Variants in ANKS1B observed in about 807,000 individuals in gnomAD.
The protein encoded by ANKS1B is ankyrin repeat and sterile alpha motif domain containing 1B.
In ANKS1B, 36 loss-of-function variants were observed where a neutral mutation model predicts 148.3. The observed-to-expected ratio is 0.24, with a 90% CI of 0.19 to 0.32. ANKS1B has a LOEUF of 0.32. ANKS1B is among the 10% of genes least tolerant of loss of function. The probability of loss-of-function intolerance (pLI) is 1.00; values close to 1 mark genes in which losing one functional copy is unlikely to be tolerated. For missense variants in ANKS1B, 1,157 were observed against 1,542.6 expected, an observed-to-expected ratio of 0.75 and a Z score of 4.19; for synonymous variants, 542 against 560.8, an observed-to-expected ratio of 0.97 and a Z score of 0.47.
At chr12:99,619,568 C>T (rs567675171) in intron 9 of ANKS1B, among the ~76,000 whole-genome samples, 4 of 152,132 alleles carry the variant, frequency 2.6e-5, no homozygotes, top group East Asian at 1.9e-4. Context: ...TCTCTACTCA[C>T]GTCCAGGCAG....
intron 25 of ANKS1B, among the ~76,000 whole-genome samples, chr12:98,762,365 T>C (rs1425822140): frequency 6.6e-6 from 1 of 152,130 alleles, no homozygotes; most frequent in Non-Finnish European, 1.5e-5. Context: ...AGATTCAGTT[T>C]AGAGATGCAC....
intron 10 of ANKS1B, among the ~76,000 whole-genome samples, chr12:99,465,852 T>C (rs1165853823): frequency 6.6e-6 from 1 of 152,140 alleles, no homozygotes; most frequent in Non-Finnish European, 1.5e-5. Context: ...TGGGAGACTA[T>C]AACACCCCAC....
At chr12:98,962,994 G>A (rs1198387565) in intron 17 of ANKS1B, among the ~76,000 whole-genome samples, 1 of 151,668 alleles carries the variant, frequency 6.6e-6, no homozygotes, top group Non-Finnish European at 1.5e-5. Context: ...CAAAATAGAA[G>A]AAAAATTTCA....
At chr12:99,211,170 G>C (rs556092530) in intron 14 of ANKS1B, among the ~76,000 whole-genome samples, 56 of 152,292 alleles carry the variant, frequency 3.7e-4, no homozygotes, top group African/African-American at 1.3e-3. Context: ...ATGACCAAAA[G>C]GGGGAAATTG....
intron 12 of ANKS1B, among the ~76,000 whole-genome samples, chr12:99,257,836 C>T (rs2075451729): frequency 6.6e-6 from 1 of 152,144 alleles, no homozygotes; most frequent in Non-Finnish European, 1.5e-5. Flanking sequence ...ACTCAGCCTT[C>T]CAGCCTTCCA....
At chr12:99,492,195 C>T (rs2096562039) in intron 10 of ANKS1B, among the ~76,000 whole-genome samples, 1 of 152,070 alleles carries the variant, frequency 6.6e-6, no homozygotes, top group Admixed American at 6.6e-5. Context: ...TCTAAATAAA[C>T]ACAATCAGAC....
chr12:99,358,194 T>C lies in ANKS1B; in HGVS notation c.1756+41437A>G, dbSNP rs746269023. 1.1e-3 allele frequency among the ~76,000 whole-genome samples: 169 copies of C among 152,234 alleles called. 1 individual carries two copies. The highest frequency in any genetic ancestry group is 3.4e-3 in the Middle Eastern group (1 of 294). On this transcript the variant is annotated intron_variant, in intron 12 of 26. Coordinates refer to ENST00000683438, the MANE Select transcript of ANKS1B (RefSeq NM_001352186.2). ...TCAGCTGATCTTAATTTTTATGTAG[T>C]AAAACATATTGATTATTTTCTTTAT... is the stretch of plus-strand genomic sequence containing the variant.
chr12:99,049,507 T>C (rs1319890), intron 17 of ANKS1B, among the ~76,000 whole-genome samples: 152,184 of 152,334 alleles, frequency 1, 76,017 homozygotes, highest in Middle Eastern at 1. Context: ...CAAATAAAGT[T>C]ACATTTCTCA....
At chr12:99,158,615 T>C (rs1215787143) in intron 14 of ANKS1B, among the ~76,000 whole-genome samples, 1 of 152,050 alleles carries the variant, frequency 6.6e-6, no homozygotes, top group East Asian at 1.9e-4. Flanking sequence ...CCAAAAACAA[T>C]GCCAACAAAA....
intron 12 of ANKS1B, among the ~76,000 whole-genome samples, chr12:99,302,458 G>GT (rs1388179009): frequency 6.6e-6 from 1 of 152,062 alleles, no homozygotes; most frequent in Non-Finnish European, 1.5e-5. Flanking sequence ...GAAAGGAAAT[G>GT]TTTTTTCAGA....
chr12:99,797,448 C>CA (rs1453499032), intron 4 of ANKS1B, among the ~76,000 whole-genome samples: 2 of 151,874 alleles, frequency 1.3e-5, no homozygotes, highest in African/African-American at 4.8e-5. Context: ...TACAAAGAAA[C>CA]AACACTGAAC....
At chr12:99,777,560 G>A (rs1398477532) in intron 6 of ANKS1B, among the ~76,000 whole-genome samples, 1 of 150,464 alleles carries the variant, frequency 6.6e-6, no homozygotes, top group Non-Finnish European at 1.5e-5. Flanking sequence ...ACATGCTTCA[G>A]TTTTGTTTTT....
intron 17 of ANKS1B, among the ~76,000 whole-genome samples, chr12:98,958,153 T>C (rs543847680): frequency 6.6e-6 from 1 of 152,326 alleles, no homozygotes; most frequent in African/African-American, 2.4e-5. Context: ...TCTTTTTCTT[T>C]CTCTCTCTGT....
chr12:99,892,779 T>C (rs1329848579), intron 1 of ANKS1B, among the ~76,000 whole-genome samples: 1 of 152,194 alleles, frequency 6.6e-6, no homozygotes, highest in East Asian at 1.9e-4. Context: ...AGAGGTTCTC[T>C]GCGATGAAGA....
At chr12:99,415,829 G>A (rs981973662) in intron 11 of ANKS1B, among the ~76,000 whole-genome samples, 1 of 151,968 alleles carries the variant, frequency 6.6e-6, no homozygotes, top group East Asian at 1.9e-4. Flanking sequence ...GACTACAGGC[G>A]CCCGCCACCA....
Position 99,632,760 on chromosome 12 carries a change from TATATATA to T in ANKS1B, c.1272+22300_1272+22306del, listed in dbSNP as rs1567522986. ...ATATATATATATATATATATATATATATATATATTTTAATTATACTTTAAGTTCTAGG... is the reference window on the plus strand; with the variant it reads ...ATATATATATATATATATATATATATTTTTAATTATACTTTAAGTTCTAGG... On this transcript the variant is annotated intron_variant, in intron 9 of 26. Coordinates refer to ENST00000683438, the MANE Select transcript of ANKS1B (RefSeq NM_001352186.2). Among the ~76,000 whole-genome samples, 321 of 86,012 alleles carry T rather than the reference TATATATA, an allele frequency of 3.7e-3. 14 individuals carry two copies. The highest frequency in any genetic ancestry group is 0.012 in the African/African-American group (270 of 22,594). The allele number at this position is 86,012 out of a possible 152,430, so 56.4% of individuals were successfully genotyped here. A position where few individuals can be genotyped will look rare whatever the true frequency, so the allele number is the denominator to read the frequency against.
intron 17 of ANKS1B, among the ~76,000 whole-genome samples, chr12:99,038,420 A>C (rs2099956841): frequency 1.3e-5 from 2 of 152,118 alleles, no homozygotes; most frequent in Non-Finnish European, 2.9e-5. Flanking sequence ...CTTCTTCACC[A>C]CACCACTTTA....
At chr12:99,210,349 A>C (rs981689303) in intron 14 of ANKS1B, among the ~76,000 whole-genome samples, 2 of 152,150 alleles carry the variant, frequency 1.3e-5, no homozygotes, top group Admixed American at 6.5e-5. Flanking sequence ...TGAAACTCTT[A>C]GCCCTCTTAA....
At chr12:99,444,383 C>T (rs1447647089) in intron 10 of ANKS1B, among the ~76,000 whole-genome samples, 1 of 151,776 alleles carries the variant, frequency 6.6e-6, no homozygotes, top group East Asian at 1.9e-4. Context: ...AATTATCACT[C>T]CTAGATAAGT....
Sources: allele counts gnomAD v4.1 joint callset (sites outside exome capture counted in the v4.1 genomes callset), GRCh38; gene constraint gnomAD v4.1.1; transcripts MANE v1.5; gene names NCBI Gene and HGNC (gene_info 2026-07-23, HGNC 2026-07-21).